Variants in ERC1 observed in about 807,000 individuals in gnomAD.
ERC1 encodes the protein RAB6 interacting protein 2.
ERC1 carries 56 observed loss-of-function variants against 132.0 expected under a neutral mutation model. The ratio of observed to expected loss-of-function variants is 0.42; its 90% confidence interval spans 0.34 to 0.53. The LOEUF (loss-of-function observed/expected upper bound fraction) is 0.53, where lower values mean the gene tolerates loss of function less well. Among genes scored for constraint, ERC1 ranks in the 20% least tolerant of loss-of-function variants. The probability of loss-of-function intolerance (pLI) is 0.03; values close to 1 mark genes in which losing one functional copy is unlikely to be tolerated. For missense variants in ERC1, 1,202 were observed against 1,349.9 expected, an observed-to-expected ratio of 0.89 and a Z score of 1.72; for synonymous variants, 478 against 476.1, an observed-to-expected ratio of 1.00 and a Z score of -0.05.
At chr12:1,300,604 A>G (rs2080311768) in intron 15 of ERC1, among the ~76,000 whole-genome samples, 1 of 151,618 alleles carries the variant, frequency 6.6e-6, no homozygotes, top group African/African-American at 2.4e-5. Flanking sequence ...AAACAAATTT[A>G]CAAGAAAAAA....
At chr12:1,474,125 C>T (rs902616531) in intron 18 of ERC1, among the ~76,000 whole-genome samples, 1 of 152,178 alleles carries the variant, frequency 6.6e-6, no homozygotes, top group South Asian at 2.1e-4. Context: ...CTGGCCAGGA[C>T]GAGCACCATT....
At chr12:1,328,074 CTA>C (rs2082588185) in intron 15 of ERC1, among the ~76,000 whole-genome samples, 1 of 152,118 alleles carries the variant, frequency 6.6e-6, no homozygotes, top group Non-Finnish European at 1.5e-5. Flanking sequence ...TAATTTGTAA[CTA>C]ATTTTACCCT....
At chr12:1,043,321 G>T (rs1256028909) in intron 2 of ERC1, among the ~76,000 whole-genome samples, 1 of 152,112 alleles carries the variant, frequency 6.6e-6, no homozygotes, top group Non-Finnish European at 1.5e-5. Flanking sequence ...GAGATTACAG[G>T]CATGAGCCAC....
At chr12:1,297,450 T>G (rs1205044720) in intron 15 of ERC1, among the ~76,000 whole-genome samples, 1 of 147,042 alleles carries the variant, frequency 6.8e-6, no homozygotes, top group Non-Finnish European at 1.5e-5. Context: ...GCCTGTAATC[T>G]CAACGCTTTG....
At chr12:1,297,584 C>CTCT (rs2080060225) in intron 15 of ERC1, among the ~76,000 whole-genome samples, 1 of 147,664 alleles carries the variant, frequency 6.8e-6, no homozygotes, top group Admixed American at 6.7e-5. Flanking sequence ...GTGGCTCATA[C>CTCT]TCTTGTTCCA....
At chr12:1,040,376 C>T (rs1592879917) in intron 2 of ERC1, among the ~76,000 whole-genome samples, 2 of 144,240 alleles carry the variant, frequency 1.4e-5, no homozygotes, top group East Asian at 2.0e-4. Flanking sequence ...GGCTGGAGTG[C>T]AGTGGCGCAA....
chr12:1,186,213 GT>G (rs1955075833), intron 11 of ERC1, among the ~76,000 whole-genome samples: 1 of 152,100 alleles, frequency 6.6e-6, no homozygotes, highest in African/African-American at 2.4e-5. Context: ...GACTAAATAT[GT>G]TTTGTTGCTT....
At chr12:1,234,513 G>A (rs1305924091) in intron 12 of ERC1, among the ~76,000 whole-genome samples, 1 of 152,208 alleles carries the variant, frequency 6.6e-6, no homozygotes, top group East Asian at 1.9e-4. Context: ...TTGCTTCAAT[G>A]TGATTGGAAT....
chr12:1,455,253 C>T (rs1014388933), intron 18 of ERC1, among the ~76,000 whole-genome samples: 7 of 152,174 alleles, frequency 4.6e-5, no homozygotes, highest in African/African-American at 1.7e-4. Context: ...AATCTTCATA[C>T]AATGTACAAC....
chr12:1,196,863 T>A (rs552436186), intron 12 of ERC1, among the ~76,000 whole-genome samples: 2,534 of 128,298 alleles, frequency 0.02, 254 homozygotes, highest in African/African-American at 0.093. Context: ...TCTCTCACTC[T>A]CTCTCTCTCT....
chr12:1,230,746 C>T (rs1468639473), intron 12 of ERC1, among the ~76,000 whole-genome samples: 1 of 152,116 alleles, frequency 6.6e-6, no homozygotes, highest in African/African-American at 2.4e-5. Context: ...TTTAGGTGCT[C>T]TAAGGTTGGA....
At chr12:1,022,042 C>T (rs991269263) in intron 1 of ERC1, among the ~76,000 whole-genome samples, 3 of 152,164 alleles carry the variant, frequency 2.0e-5, no homozygotes, top group African/African-American at 7.2e-5. Context: ...ATAAGCTATA[C>T]ATTTTATTTT....
At chr12:1,326,408 A>G (rs2082447536) in intron 15 of ERC1, among the ~76,000 whole-genome samples, 1 of 152,230 alleles carries the variant, frequency 6.6e-6, no homozygotes, top group South Asian at 2.1e-4. Flanking sequence ...TGCCGAAGGC[A>G]TTCATGACAA....
intron 13 of ERC1, 127 bp downstream of exon 13, chr12:1,237,031 C>A: frequency 9.1e-7 from 1 of 1,104,166 alleles, no homozygotes; most frequent in Non-Finnish European, 1.3e-6. Context: ...GCCTTCCTCT[C>A]AGACCAACTG....
intron 2 of ERC1, among the ~76,000 whole-genome samples, chr12:1,065,963 A>G (rs1333421986): frequency 6.6e-6 from 1 of 152,240 alleles, no homozygotes; most frequent in Non-Finnish European, 1.5e-5. Context: ...TATTTTGTAG[A>G]TAAATCTACA....
At chr12:1,244,133 A>T (rs1340664158) in intron 13 of ERC1, among the ~76,000 whole-genome samples, 6 of 152,212 alleles carry the variant, frequency 3.9e-5, no homozygotes, top group African/African-American at 1.4e-4. Context: ...ATAATTCCAG[A>T]TTGAAGTTAA....
chr12:1,347,095 T>C (rs1041042655), intron 15 of ERC1, among the ~76,000 whole-genome samples: 2 of 152,204 alleles, frequency 1.3e-5, no homozygotes, highest in African/African-American at 4.8e-5. Flanking sequence ...ATTATTTATC[T>C]TTGTCGAGAG....
At chr12:1,321,033 T>C (rs935617414) in intron 15 of ERC1, among the ~76,000 whole-genome samples, 1 of 152,190 alleles carries the variant, frequency 6.6e-6, no homozygotes, top group African/African-American at 2.4e-5. Context: ...AAAAGGAAGA[T>C]GTAAAACAGT....
intron 8 of ERC1, among the ~76,000 whole-genome samples, chr12:1,143,329 C>CTGTGT (rs1491528616): frequency 1.6e-5 from 2 of 128,970 alleles, no homozygotes; most frequent in South Asian, 6.2e-4. Context: ...GCTTTTGACT[C>CTGTGT]GTGTGTGTGT....
Sources: gnomAD v4.1 joint callset for allele counts (sites outside exome capture counted in the v4.1 genomes callset) on GRCh38, gnomAD v4.1.1 for gene constraint, MANE v1.5 for transcripts, NCBI Gene and HGNC (gene_info 2026-07-23, HGNC 2026-07-21) for gene names.